RASEF: variants seen among roughly 807,000 people sequenced by gnomAD.
RASEF encodes RAS and EF-hand domain containing.
RASEF carries 68 observed loss-of-function variants against 90.1 expected under a neutral mutation model. The observed-to-expected ratio is 0.75, with a 90% CI of 0.62 to 0.92. The LOEUF (loss-of-function observed/expected upper bound fraction) is 0.92. Ranked by LOEUF, RASEF falls within the 40% of genes least tolerant of loss-of-function variation. RASEF has a pLI of 0.00. For missense variants in RASEF, 949 were observed against 937.2 expected (o/e 1.01, Z -0.16); for synonymous variants, 331 against 345.2 (o/e 0.96, Z 0.46).
At chr9:83,107,970 C>T in the RASEF span, among the ~76,000 whole-genome samples, 1 of 152,098 alleles carries the variant, frequency 6.6e-6, no homozygotes, top group Admixed American at 6.6e-5. Flanking sequence ...AAAAGCCAGA[C>T]ATAAAAAGTA....
chr9:83,062,642 G>T lies in RASEF; in HGVS notation c.226C>A (p.Arg76Ser). 2 of 1,556,728 alleles carry T rather than the reference G, an allele frequency of 1.3e-6. No individual in the cohort carries two copies. Among genetic ancestry groups the T allele is most frequent in the East Asian group, 4.7e-5 (2 of 42,118 alleles). Residue 76 changes from arginine to serine, a missense_variant, in exon 1 of 17, where the codon CGC becomes AGC. Transcript: ENST00000376447. ...CCCCAGTCCCGGCGCCGCCCCCCGC[G>T]GAGGGACCCGAGGAAGCCACGCGCG... is the stretch of plus-strand genomic sequence containing the variant. ...EFARGFLGSLRGGRRRDWGPL... is the reference protein window; with the variant it reads ...EFARGFLGSLSGGRRRDWGPL...
At chr9:83,058,474 G>A (rs1053289882) in intron 1 of RASEF, among the ~76,000 whole-genome samples, 14 of 147,974 alleles carry the variant, frequency 9.5e-5, no homozygotes, top group South Asian at 8.3e-4. Context: ...GAGCCACCGC[G>A]CCCGGCCGTA....
chr9:83,017,623 G>T (rs1040768225), intron 3 of RASEF, among the ~76,000 whole-genome samples: 1 of 152,346 alleles, frequency 6.6e-6, no homozygotes, highest in South Asian at 2.1e-4. Flanking sequence ...AGTAATGCAG[G>T]TGAGAAATGG....
chr9:83,106,396 A>G, the RASEF span, among the ~76,000 whole-genome samples: 1 of 152,014 alleles, frequency 6.6e-6, no homozygotes, highest in Non-Finnish European at 1.5e-5. Flanking sequence ...ATCTACCCCT[A>G]TGTCATGTGT....
chr9:83,179,208 T>C, the RASEF span, among the ~76,000 whole-genome samples: 1 of 152,170 alleles, frequency 6.6e-6, no homozygotes, highest in Admixed American at 6.5e-5. Flanking sequence ...AATTCATAGC[T>C]ATTAAAACAA....
chr9:83,010,555 C>A (rs1829221920), intron 5 of RASEF, among the ~76,000 whole-genome samples: 2 of 152,132 alleles, frequency 1.3e-5, no homozygotes, highest in Non-Finnish European at 2.9e-5. Context: ...AAGACAGAAC[C>A]AGATATGGGG....
chr9:83,217,166 T>C, the RASEF span, among the ~76,000 whole-genome samples: 1 of 152,038 alleles, frequency 6.6e-6, no homozygotes, highest in Non-Finnish European at 1.5e-5. Context: ...GTTTCTCCCA[T>C]TTGGAAAGGG....
chr9:83,121,762 C>T, the RASEF span, among the ~76,000 whole-genome samples: 843 of 152,214 alleles, frequency 5.5e-3, 8 homozygotes, highest in African/African-American at 0.019. Context: ...CTATTAGAGC[C>T]AAACATCAAG....
At chr9:83,128,281 C>A in the RASEF span, among the ~76,000 whole-genome samples, 1 of 151,974 alleles carries the variant, frequency 6.6e-6, no homozygotes, top group African/African-American at 2.4e-5. Context: ...CCTGGTGAAA[C>A]CCGATCTTCA....
At chr9:83,093,965 G>A in the RASEF span, among the ~76,000 whole-genome samples, 1 of 151,804 alleles carries the variant, frequency 6.6e-6, no homozygotes, top group South Asian at 2.1e-4. Flanking sequence ...TAAAACATTG[G>A]GTTGAAAAAT....
the RASEF span, among the ~76,000 whole-genome samples, chr9:83,088,054 C>G: frequency 6.6e-6 from 1 of 151,792 alleles, no homozygotes; most frequent in African/African-American, 2.4e-5. Context: ...TGTGAATTTC[C>G]CTTATTTTAG....
At chr9:83,170,942 A>G in the RASEF span, among the ~76,000 whole-genome samples, 1 of 151,900 alleles carries the variant, frequency 6.6e-6, no homozygotes. Context: ...TGCTCTGGCT[A>G]TGACTTCTGG....
chr9:83,076,526 G>C, the RASEF span, among the ~76,000 whole-genome samples: 1 of 151,858 alleles, frequency 6.6e-6, no homozygotes, highest in Non-Finnish European at 1.5e-5. Context: ...CTTTACAGAA[G>C]ATTTTTAAAG....
Position 82,980,202 on chromosome 9 carries a change from T to A in RASEF, c.*2475A>T, listed in dbSNP as rs541544692. 13 of 145,160 alleles carry A rather than the reference T, an allele frequency of 9.0e-5. No homozygotes were observed. The highest frequency in any genetic ancestry group is 1.8e-4 in the Non-Finnish European group (12 of 66,358). The allele number at this position is 145,160 out of a possible 1,614,324, so 9.0% of individuals were successfully genotyped here. A position where few individuals can be genotyped will look rare whatever the true frequency, so the allele number is the denominator to read the frequency against. On this transcript the variant is annotated 3_prime_UTR_variant, in exon 17 of 17. Coordinates refer to ENST00000376447, the MANE Select transcript of RASEF (RefSeq NM_152573.4). ...ACAGGGACAAGGTGAATAACTTCCA[T>A]AGTAATATGCAAATGTATCAAGTCT...
chr9:83,154,177 G>C, the RASEF span, among the ~76,000 whole-genome samples: 3 of 152,282 alleles, frequency 2.0e-5, no homozygotes, highest in Non-Finnish European at 1.5e-5. Flanking sequence ...CATCAATGGG[G>C]TTCAGATTCC....
At position 83,000,256 on chromosome 9, in the gene RASEF, G is replaced by C. The variant is rs1829004721; in HGVS notation, c.1636C>G (p.Leu546Val). ...FSSQKAYKIV[L>V]AGDAAVGKSS... ...TTCCCCACTGCAGCGTCCCCAGCAA[G>C]TACAATCTTGTAAGCCTTCTGTGAG... The change falls in exon 12 of 17, where the codon CTT becomes GTT. Residue 546 changes from leucine to valine, a missense_variant. By Grantham distance (32) the Leu-to-Val change is conservative (BLOSUM62 1). This residue lies in a region of RASEF where 288 missense variants were observed against 328.4 expected (regional missense o/e 0.88). Coordinates refer to ENST00000376447, the MANE Select transcript of RASEF (RefSeq NM_152573.4). 1.9e-6 allele frequency: 3 copies of C among 1,613,988 alleles called. No individual in the cohort carries two copies. The highest frequency in any genetic ancestry group is 1.3e-5 in the African/African-American group (1 of 74,904).
chr9:83,165,833 G>T, the RASEF span, among the ~76,000 whole-genome samples: 2 of 152,056 alleles, frequency 1.3e-5, no homozygotes, highest in Non-Finnish European at 2.9e-5. Flanking sequence ...CATCACTACA[G>T]GTTGCATAGA....
At chr9:83,144,071 T>C in the RASEF span, among the ~76,000 whole-genome samples, 100 of 152,052 alleles carry the variant, frequency 6.6e-4, 1 homozygote, top group East Asian at 0.017. Context: ...AAATACCACA[T>C]GTTCTCACTT....
chr9:82,991,077 C>T (rs1234497705), intron 15 of RASEF, among the ~76,000 whole-genome samples: 3 of 152,124 alleles, frequency 2.0e-5, no homozygotes, highest in Non-Finnish European at 2.9e-5. Flanking sequence ...TTCACGTGGC[C>T]CCAGGCAAGC....
Sources: allele counts gnomAD v4.1 joint callset (sites outside exome capture counted in the v4.1 genomes callset), GRCh38; gene constraint gnomAD v4.1.1; regional missense constraint gnomAD v4.1.1; transcripts MANE v1.5; gene names NCBI Gene and HGNC (gene_info 2026-07-23, HGNC 2026-07-21).